Variants in PCDH11X observed in about 807,000 individuals in gnomAD.
PCDH11X encodes protocadherin 11 X-linked.
Under a neutral mutation model 53.3 loss-of-function variants are expected in PCDH11X, and 18 were observed. The observed-to-expected ratio is 0.34, with a 90% confidence interval of 0.23 to 0.50. The LOEUF is 0.50. Ranked by LOEUF, PCDH11X falls within the 20% of genes least tolerant of loss-of-function variation. The probability of loss-of-function intolerance (pLI) is 0.98; values close to 1 mark genes in which losing one functional copy is unlikely to be tolerated. For synonymous variants in PCDH11X, 279 were observed against 393.3 expected (o/e 0.71, Z 3.44); for missense variants, 570 against 1,032.4 (o/e 0.55, Z 6.14).
At chrX:91,791,945 T>C (rs1477218895) in intron 1 of PCDH11X, among the ~76,000 whole-genome samples, 3 of 102,145 alleles carry the variant, frequency 2.9e-5, no homozygotes, top group Non-Finnish European at 5.9e-5. Flanking sequence ...CACTGCAAGC[T>C]CCGCCTCCCG....
chrX:92,326,732 T>C (rs2069345424), intron 8 of PCDH11X, among the ~76,000 whole-genome samples: 1 of 83,344 alleles, frequency 1.2e-5, no homozygotes, highest in Non-Finnish European at 2.2e-5. Context: ...TTATTTTCTG[T>C]TCCTATTTCT....
intron 6 of PCDH11X, among the ~76,000 whole-genome samples, chrX:91,888,567 A>G (rs920009935): frequency 2.6e-4 from 29 of 109,768 alleles, no homozygotes; most frequent in Non-Finnish European, 5.3e-4. Flanking sequence ...AAATGGGAGA[A>G]TCTCTTGAGT....
At chrX:92,105,287 T>G (rs2064354128) in intron 6 of PCDH11X, among the ~76,000 whole-genome samples, 2 of 111,083 alleles carry the variant, frequency 1.8e-5, no homozygotes, top group South Asian at 3.9e-4. Flanking sequence ...AAAATAGGCC[T>G]CTTACCGGAT....
At chrX:91,893,582 G>T (rs1309123731) in intron 6 of PCDH11X, among the ~76,000 whole-genome samples, 1 of 110,090 alleles carries the variant, frequency 9.1e-6, no homozygotes, top group East Asian at 2.9e-4. Context: ...CTATATTGAC[G>T]ACTATGGTTT....
rs1473613831 is a variant in PCDH11X, at chrX:92,012,332, G to A, written c.3033+133059G>A. 2.8e-5 allele frequency among the ~76,000 whole-genome samples: 3 copies of A among 108,727 alleles called. No homozygotes were observed. The East Asian group carries it at 8.7e-4, about 32-fold the overall frequency. The allele number at this position is 108,727 out of a possible 115,157, so 94.4% of individuals were successfully genotyped here. On this transcript the variant is annotated intron_variant, in intron 6 of 10. Coordinates refer to ENST00000682573, the MANE Select transcript of PCDH11X (RefSeq NM_032968.5). ...TAAATTCCAGCTGTGAATATATGAT[G>A]TTTCCTTAAATGGGCAAAGAGAAGT...
At position 91,823,192 on chromosome X, in the gene PCDH11X, G is replaced by A. The variant is rs527690445; in HGVS notation, c.-45+11897G>A. On this transcript the variant is annotated intron_variant, in intron 4 of 10. Coordinates refer to ENST00000682573, the MANE Select transcript of PCDH11X (RefSeq NM_032968.5). ...AGTTCTGTAGATGTCTATTAGGTCCGCTTGGTGCAGAGCTGAGTTCAATTC... is the reference window on the plus strand; with the variant it reads ...AGTTCTGTAGATGTCTATTAGGTCCACTTGGTGCAGAGCTGAGTTCAATTC... Among the ~76,000 whole-genome samples the A allele has an allele frequency of 2.9e-4, 32 of 109,869 alleles. No individual in the cohort carries two copies. The South Asian group carries it at 3.1e-3, about 11-fold the overall frequency.
chrX:92,277,696 C>T lies in PCDH11X; in HGVS notation c.3144+14553C>T, dbSNP rs364046. 7.5e-4 allele frequency among the ~76,000 whole-genome samples: 80 copies of T among 107,308 alleles called. 1 individual carries two copies. Among genetic ancestry groups the T allele is most frequent in the South Asian group, 2.1e-3 (5 of 2,382 alleles). The allele number at this position is 107,308 out of a possible 115,157, so 93.2% of individuals were successfully genotyped here. On this transcript the variant is annotated intron_variant, in intron 8 of 10. Coordinates refer to ENST00000682573, the MANE Select transcript of PCDH11X (RefSeq NM_032968.5). The stretch of plus-strand genomic sequence containing the variant: ...GGCATGGAAATAAGGGGTCAGGGCA[C>T]GGAAATAAGGGGTCGGGGCATGGAA...
intron 9 of PCDH11X, among the ~76,000 whole-genome samples, chrX:92,424,708 T>C (rs764250275): frequency 2.0e-5 from 2 of 97,893 alleles, no homozygotes; most frequent in South Asian, 8.3e-4. Flanking sequence ...AAGGGAAAAA[T>C]GTATGAGGAA....
chrX:91,967,580 C>T (rs1490414791), intron 6 of PCDH11X, among the ~76,000 whole-genome samples: 2 of 109,009 alleles, frequency 1.8e-5, no homozygotes, highest in African/African-American at 6.7e-5. Context: ...GAAACCAGTC[C>T]CTGGTGCCAA....
At chrX:91,821,753 G>A (rs1324282054) in intron 4 of PCDH11X, among the ~76,000 whole-genome samples, 6 of 103,059 alleles carry the variant, frequency 5.8e-5, no homozygotes, top group African/African-American at 1.2e-4. Flanking sequence ...TCTTGTGCCC[G>A]TTTTCAAAGG....
intron 6 of PCDH11X, among the ~76,000 whole-genome samples, chrX:92,096,685 C>T (rs750205119): frequency 9.1e-6 from 1 of 110,293 alleles, no homozygotes; most frequent in Non-Finnish European, 1.9e-5. Flanking sequence ...AGAATGAGAG[C>T]TGAGCAAAAG....
At chrX:92,372,015 A>G (rs1603292463) in intron 8 of PCDH11X, among the ~76,000 whole-genome samples, 1 of 111,159 alleles carries the variant, frequency 9.0e-6, no homozygotes, top group Admixed American at 9.6e-5. Flanking sequence ...TTTATTGAGT[A>G]TGATTCCTAG....
intron 6 of PCDH11X, among the ~76,000 whole-genome samples, chrX:91,927,714 A>C (rs1302347422): frequency 9.0e-6 from 1 of 111,551 alleles, no homozygotes. Context: ...TTTGATATCT[A>C]TTGTAACTTT....
intron 6 of PCDH11X, among the ~76,000 whole-genome samples, chrX:92,094,619 T>G (rs1384479270): frequency 9.0e-6 from 1 of 111,417 alleles, no homozygotes; most frequent in Non-Finnish European, 1.9e-5. Flanking sequence ...GACATTTAAC[T>G]GCTCTATCAT....
In PCDH11X at chrX:92,084,538, CA is replaced by C. The variant is rs574981485; in HGVS notation, c.3034-116821del. 8.3e-3 allele frequency among the ~76,000 whole-genome samples: 512 copies of C among 61,867 alleles called. 1 individual carries two copies. Among genetic ancestry groups the C allele is most frequent in the South Asian group, 0.022 (25 of 1,128 alleles). The allele number at this position is 61,867 out of a possible 115,157, so 53.7% of individuals were successfully genotyped here. ...CTCCAGCCTGGCTGAAACACAGTCT[CA>C]AAAAAAAAAAAAAAAGAAATAGTCT... is the stretch of plus-strand genomic sequence containing the variant. On this transcript the variant is annotated intron_variant, in intron 6 of 10. Coordinates refer to ENST00000682573, the MANE Select transcript of PCDH11X (RefSeq NM_032968.5).
chrX:92,056,072 C>T (rs2063444888), intron 6 of PCDH11X, among the ~76,000 whole-genome samples: 2 of 110,368 alleles, frequency 1.8e-5, no homozygotes, highest in African/African-American at 3.3e-5. Flanking sequence ...ATTTCTGTGT[C>T]GAATGGTATT....
chrX:92,067,373 GGT>G (rs2063626692), intron 6 of PCDH11X, among the ~76,000 whole-genome samples: 1 of 110,101 alleles, frequency 9.1e-6, no homozygotes. Context: ...ATCAGGAAGA[GGT>G]GTTTAATTTT....
intron 8 of PCDH11X, among the ~76,000 whole-genome samples, chrX:92,319,875 GTT>G (rs202065060): frequency 0.01 from 1,142 of 111,856 alleles, 8 homozygotes; most frequent in Middle Eastern, 0.055. Flanking sequence ...GATCTTTTCA[GTT>G]TGTTTGCTAG....
intron 4 of PCDH11X, among the ~76,000 whole-genome samples, chrX:91,818,310 G>A (rs893695086): frequency 6.3e-5 from 7 of 110,500 alleles, no homozygotes; most frequent in Non-Finnish European, 9.4e-5. Context: ...ATCAAATTAC[G>A]TTTTTTATAA....
Sources: allele counts gnomAD v4.1 joint callset (sites outside exome capture counted in the v4.1 genomes callset), GRCh38; gene constraint gnomAD v4.1.1; transcripts MANE v1.5; gene names NCBI Gene and HGNC (gene_info 2026-07-23, HGNC 2026-07-21).